Variants in GRID1 observed in about 807,000 individuals in gnomAD.
GRID1 encodes the protein glutamate ionotropic receptor delta type subunit 1, also known as glutamate receptor ionotropic, delta-1.
A neutral mutation model predicts 98.0 loss-of-function variants in GRID1; 28 were observed. The ratio of observed to expected loss-of-function variants is 0.29; its 90% CI spans 0.21 to 0.39. The LOEUF (loss-of-function observed/expected upper bound fraction) is 0.39. GRID1 is among the 10% of genes least tolerant of loss of function. The probability of loss-of-function intolerance (pLI) is 1.00; values close to 1 mark genes in which losing one functional copy is unlikely to be tolerated. For synonymous variants in GRID1, 553 were observed against 538.5 expected, an observed-to-expected ratio of 1.03 and a Z score of -0.37; for missense variants, 1,111 against 1,340.5, an observed-to-expected ratio of 0.83 and a Z score of 2.67.
chr10:86,302,944 G>A (rs983967787), intron 2 of GRID1, among the ~76,000 whole-genome samples: 3 of 152,210 alleles, frequency 2.0e-5, no homozygotes, highest in African/African-American at 4.8e-5. Context: ...ACAGAAGTCT[G>A]ACAAACACTC....
At chr10:86,143,992 C>G (rs187895719) in intron 3 of GRID1, among the ~76,000 whole-genome samples, 2 of 152,140 alleles carry the variant, frequency 1.3e-5, no homozygotes, top group African/African-American at 2.4e-5. Flanking sequence ...CCAAGCCTGC[C>G]GGAGTCCTGC....
chr10:85,949,914 G>A (rs1003444293), intron 4 of GRID1, among the ~76,000 whole-genome samples: 3 of 151,520 alleles, frequency 2.0e-5, no homozygotes, highest in African/African-American at 7.3e-5. Context: ...AGGGATGGAT[G>A]GATGGATGGA....
rs778297585 is a variant in GRID1 at position 86,139,018 on chromosome 10, C to T, written c.527G>A (p.Arg176His). ...VMFYDSEYDI[R>H]GLQSFLDQAS... ...CTGGTCCAGAAAGCTTTGAAGCCCA[C>T]GGATATCTGAGCAGTGAGAGAAGAG... Residue 176 changes from arginine to histidine, a missense_variant, in exon 4 of 16, where the codon CGT becomes CAT. Around this residue, in one of 3 missense-constraint regions of GRID1, gnomAD observed 346 missense variants for 452.3 expected, o/e 0.76. Transcript: ENST00000327946. 3.4e-5 allele frequency: 54 copies of T among 1,610,330 alleles called. No homozygotes were observed. Among genetic ancestry groups the T allele is most frequent in the Middle Eastern group, 1.6e-4 (1 of 6,078 alleles).
intron 2 of GRID1, among the ~76,000 whole-genome samples, chr10:86,333,568 G>A (rs1268208238): frequency 6.6e-6 from 1 of 152,190 alleles, no homozygotes; most frequent in East Asian, 1.9e-4. Context: ...GACCCCTCAT[G>A]CAGTCAAAAA....
At chr10:86,362,672 G>GAATT (rs1216030489) in intron 2 of GRID1, among the ~76,000 whole-genome samples, 4 of 152,088 alleles carry the variant, frequency 2.6e-5, no homozygotes, top group Non-Finnish European at 5.9e-5. Context: ...GAGACCCCCA[G>GAATT]AATTCCTCCT....
chr10:85,844,032 G>A (rs947071073), intron 8 of GRID1, among the ~76,000 whole-genome samples: 8 of 151,978 alleles, frequency 5.3e-5, no homozygotes, highest in African/African-American at 1.7e-4. Flanking sequence ...GTGGGTGAAT[G>A]GTTAAACAAA....
At position 85,798,266 on chromosome 10, in the gene GRID1, G is replaced by C. The variant is rs181722216; in HGVS notation, c.1233+56230C>G. Among the ~76,000 whole-genome samples, 117 of 152,334 alleles carry C rather than the reference G, an allele frequency of 7.7e-4. 1 individual carries two copies. The highest frequency in any genetic ancestry group is 2.8e-3 in the African/African-American group (115 of 41,576). On this transcript the variant is annotated intron_variant, in intron 8 of 15. Transcript: ENST00000327946. The stretch of plus-strand genomic sequence containing the variant: ...TTGCAAATTTTGCTTTAAGGAGGCT[G>C]AGGCTTTAAGAGTGAAGGTAATAAG...
rs56067622 is a variant in GRID1 at position 86,007,822 on chromosome 10, T to TTTTATTTATTTATTTA, written c.727-91599_727-91584dup. Among the ~76,000 whole-genome samples the TTTTATTTATTTATTTA allele has an allele frequency of 3.0e-3, 444 of 148,846 alleles. 1 individual carries two copies. Among genetic ancestry groups the TTTTATTTATTTATTTA allele is most frequent in the African/African-American group, 0.01 (421 of 40,186 alleles). On this transcript the variant is annotated intron_variant, in intron 4 of 15. Transcript: ENST00000327946. ...TTTGTTTTTTTTGTTTTTTGTGTTT[T>TTTTATTTATTTATTTA]TTTATTTATTTATTTATTTATTTAT...
At chr10:86,142,327 T>C (rs11201900) in intron 3 of GRID1, among the ~76,000 whole-genome samples, 26,435 of 152,282 alleles carry the variant, frequency 0.17, 3,496 homozygotes, top group African/African-American at 0.37. Context: ...GGATGCATTG[T>C]ATCTGGTATA....
chr10:85,617,686 C>T (rs1842808271), intron 14 of GRID1, among the ~76,000 whole-genome samples: 1 of 152,232 alleles, frequency 6.6e-6, no homozygotes, highest in African/African-American at 2.4e-5. Context: ...TCCTTATAAT[C>T]ACAGAGCACA....
rs556516655 is a variant in GRID1 at position 86,248,838 on chromosome 10, G to T, written c.236-42190C>A. 2.1e-4 allele frequency among the ~76,000 whole-genome samples: 32 copies of T among 152,276 alleles called. 1 individual carries two copies. In the South Asian group the frequency reaches 6.4e-3, roughly 31 times the overall value. ...TCCACCTGCCTTGGCCTCCCAAAGT[G>T]TTAGGAATACAGTGCCCAGCCTGGG... is the stretch of plus-strand genomic sequence containing the variant. On this transcript the variant is annotated intron_variant, in intron 2 of 15. Coordinates refer to ENST00000327946, the MANE Select transcript of GRID1 (RefSeq NM_017551.3).
chr10:86,145,907 T>G (rs1845083458), intron 3 of GRID1, among the ~76,000 whole-genome samples: 1 of 152,142 alleles, frequency 6.6e-6, no homozygotes, highest in Non-Finnish European at 1.5e-5. Context: ...GATGACCACG[T>G]AGCCGGTGGA....
chr10:86,135,124 G>T (rs1330244630), intron 4 of GRID1, among the ~76,000 whole-genome samples: 1 of 152,208 alleles, frequency 6.6e-6, no homozygotes, highest in Admixed American at 6.5e-5. Flanking sequence ...TTCAGCAATT[G>T]CATGGGCCAT....
intron 2 of GRID1, among the ~76,000 whole-genome samples, chr10:86,229,183 T>C (rs186394822): frequency 1.3e-5 from 2 of 152,194 alleles, no homozygotes; most frequent in East Asian, 1.9e-4. Context: ...GTGCCTCCCA[T>C]GGGAACCTCA....
At chr10:85,843,686 A>T (rs924232298) in intron 8 of GRID1, among the ~76,000 whole-genome samples, 18 of 152,108 alleles carry the variant, frequency 1.2e-4, no homozygotes, top group African/African-American at 4.3e-4. Flanking sequence ...AAACATGCAC[A>T]TAAAAAACAT....
intron 2 of GRID1, among the ~76,000 whole-genome samples, chr10:86,318,969 G>T (rs1490693976): frequency 6.6e-6 from 1 of 152,160 alleles, no homozygotes; most frequent in Non-Finnish European, 1.5e-5. Context: ...CTTGTCATGG[G>T]TTTTAAGATG....
intron 4 of GRID1, among the ~76,000 whole-genome samples, chr10:85,936,355 G>T (rs1253283091): frequency 6.6e-6 from 1 of 152,210 alleles, no homozygotes; most frequent in Non-Finnish European, 1.5e-5. Context: ...ATATCACACT[G>T]TTTATGCCTT....
chr10:85,714,481 G>A (rs998679800), intron 12 of GRID1, among the ~76,000 whole-genome samples: 7 of 151,948 alleles, frequency 4.6e-5, no homozygotes, highest in Non-Finnish European at 8.8e-5. Context: ...TGCAGATGAC[G>A]TGATCTATAA....
intron 4 of GRID1, among the ~76,000 whole-genome samples, chr10:85,920,131 C>T (rs1042964036): frequency 1.3e-5 from 2 of 152,172 alleles, no homozygotes; most frequent in African/African-American, 4.8e-5. Flanking sequence ...GTTTGGCTTC[C>T]TTTATGTTCC....
Sources: gnomAD v4.1 joint callset for allele counts (sites outside exome capture counted in the v4.1 genomes callset) on GRCh38, gnomAD v4.1.1 for gene constraint, gnomAD v4.1.1 regional missense constraint, MANE v1.5 for transcripts, NCBI Gene and HGNC (gene_info 2026-07-23, HGNC 2026-07-21) for gene names.